CHN2: variants seen among roughly 807,000 people sequenced by gnomAD.
CHN2 encodes chimerin 2.
Under a neutral mutation model 56.3 loss-of-function variants are expected in CHN2, and 35 were observed. The ratio of observed to expected loss-of-function variants is 0.62; its 90% CI spans 0.47 to 0.82. The LOEUF (loss-of-function observed/expected upper bound fraction) is 0.82, where lower values mean the gene tolerates loss of function less well. Among genes scored for constraint, CHN2 ranks in the 40% least tolerant of loss-of-function variants. CHN2 has a pLI of 0.00. For missense variants in CHN2, 491 were observed against 580.5 expected, an observed-to-expected ratio of 0.85 and a Z score of 1.58; for synonymous variants, 210 against 212.8, an observed-to-expected ratio of 0.99 and a Z score of 0.12.
At chr7:29,238,498 A>G (rs976178696) in intron 1 of CHN2, among the ~76,000 whole-genome samples, 2 of 152,202 alleles carry the variant, frequency 1.3e-5, no homozygotes, top group Non-Finnish European at 2.9e-5. Flanking sequence ...TATATTGATC[A>G]TGAGCTATGT....
chr7:29,474,558 A>AT (rs1305204495), intron 6 of CHN2, among the ~76,000 whole-genome samples: 1 of 152,146 alleles, frequency 6.6e-6, no homozygotes, highest in African/African-American at 2.4e-5. Context: ...CGTAATATTG[A>AT]TTTTCATTTC....
At chr7:29,243,695 T>C (rs1787859969) in intron 1 of CHN2, among the ~76,000 whole-genome samples, 1 of 152,170 alleles carries the variant, frequency 6.6e-6, no homozygotes, top group Non-Finnish European at 1.5e-5. Context: ...GTGGGACAAA[T>C]TAGAAGAGAC....
chr7:29,268,297 C>CAT (rs1034986395), intron 1 of CHN2, among the ~76,000 whole-genome samples: 7 of 148,444 alleles, frequency 4.7e-5, no homozygotes, highest in Admixed American at 1.3e-4. Context: ...CACACACACA[C>CAT]ACACACACAC....
At position 29,342,122 on chromosome 7, in the gene CHN2, C is replaced by T. The variant is rs372172631; in HGVS notation, c.50-12503C>T. Among the ~76,000 whole-genome samples the T allele has an allele frequency of 1.9e-4, 29 of 152,248 alleles. No individual in the cohort carries two copies. The South Asian group carries it at 6.0e-3, about 32-fold the overall frequency. ...AAGCAGTGACTGGATCTGCGTTGGT[C>T]GCAGCTATATCTTTATCCTGTGGTA... On this transcript the variant is annotated intron_variant, in intron 1 of 12. Coordinates refer to ENST00000222792, the MANE Select transcript of CHN2 (RefSeq NM_004067.4).
chr7:29,193,552 TCA>T (rs1300788884), upstream of CHN2: 2 of 152,238 alleles, frequency 1.3e-5, no homozygotes, highest in South Asian at 2.1e-4. Flanking sequence ...TCTTCAAATT[TCA>T]CAGTTTTCTG....
intron 1 of CHN2, among the ~76,000 whole-genome samples, chr7:29,226,242 G>C (rs998503764): frequency 3.9e-5 from 6 of 152,104 alleles, no homozygotes; most frequent in Non-Finnish European, 5.9e-5. Context: ...CTATTATTAT[G>C]AGCGGGGAAA....
At chr7:29,205,269 A>T (rs992924512) in intron 1 of CHN2, among the ~76,000 whole-genome samples, 1 of 152,154 alleles carries the variant, frequency 6.6e-6, no homozygotes, top group East Asian at 1.9e-4. Context: ...TCTGAAACTT[A>T]TTTTTAGCAT....
chr7:29,262,851 G>A (rs1292725433), intron 1 of CHN2, among the ~76,000 whole-genome samples: 2 of 152,120 alleles, frequency 1.3e-5, no homozygotes, highest in Non-Finnish European at 2.9e-5. Flanking sequence ...AGGTGATGAT[G>A]GGTTGACAGG....
chr7:29,460,661 G>A (rs1034161601), intron 6 of CHN2, among the ~76,000 whole-genome samples: 1 of 152,244 alleles, frequency 6.6e-6, no homozygotes, highest in Non-Finnish European at 1.5e-5. Context: ...TTTCATTAGA[G>A]CATCAGTAAT....
intron 1 of CHN2, among the ~76,000 whole-genome samples, chr7:29,195,629 A>AGG (rs869037854): frequency 1.8e-4 from 21 of 117,582 alleles, no homozygotes; most frequent in African/African-American, 7.2e-4. Context: ...AGAGAGAGAG[A>AGG]GTGTGTGTGT....
At position 29,224,453 on chromosome 7, in the gene CHN2, C is replaced by T. The variant is rs191931400; in HGVS notation, c.49+29463C>T. ...TTTTTTCTATGTGTGTTGAATGCTC[C>T]GAGCTTATTTCTAAATCCTGCTTGG... is the stretch of plus-strand genomic sequence containing the variant. On this transcript the variant is annotated intron_variant, in intron 1 of 12. Transcript: ENST00000222792. Among the ~76,000 whole-genome samples the T allele has an allele frequency of 3.4e-3, 512 of 152,172 alleles. 1 individual carries two copies. Among genetic ancestry groups the T allele is most frequent in the African/African-American group, 0.012 (491 of 41,536 alleles).
At chr7:29,459,874 A>G (rs916364367) in intron 6 of CHN2, among the ~76,000 whole-genome samples, 12 of 152,168 alleles carry the variant, frequency 7.9e-5, no homozygotes, top group African/African-American at 2.9e-4. Flanking sequence ...CAACCACAAG[A>G]AGAGGCAGAG....
intron 1 of CHN2, among the ~76,000 whole-genome samples, chr7:29,329,101 TTTTCAATTCCAAGTAAGTCAAAA>T (rs1168181668): frequency 6.6e-6 from 1 of 152,016 alleles, no homozygotes; most frequent in Non-Finnish European, 1.5e-5. Context: ...AAATGTTGCT[TTTTCAATTCCAAGTAAGTCAAAA>T]TGAATGGGAC....
intron 12 of CHN2, among the ~76,000 whole-genome samples, chr7:29,511,131 A>AGTAT (rs1791304504): frequency 2.0e-5 from 1 of 49,428 alleles, no homozygotes; most frequent in African/African-American, 7.1e-5. Flanking sequence ...AGATCTACTT[A>AGTAT]GTATGTGAAA....
chr7:29,198,075 T>C, intron 1 of CHN2: 1 of 455,898 alleles, frequency 2.2e-6, no homozygotes, highest in Non-Finnish European at 4.4e-6. Flanking sequence ...GCCAGCTCAC[T>C]CATTGCTGCT....
intron 1 of CHN2, among the ~76,000 whole-genome samples, chr7:29,326,899 A>G (rs755375433): frequency 1.3e-5 from 2 of 152,196 alleles, no homozygotes; most frequent in African/African-American, 2.4e-5. Context: ...CAGTGCTTTA[A>G]TGGGTTACCT....
chr7:29,405,164 TACACACACACACACACACACACACACAC>T (rs57823678), intron 6 of CHN2, among the ~76,000 whole-genome samples: 7 of 105,128 alleles, frequency 6.7e-5, no homozygotes, highest in South Asian at 3.4e-4. Context: ...TATGTCACCA[TACACACACACACACACACACACACACAC>T]ACACACACAC....
intron 6 of CHN2, among the ~76,000 whole-genome samples, chr7:29,418,659 C>A (rs926421814): frequency 2.0e-5 from 3 of 152,184 alleles, no homozygotes; most frequent in African/African-American, 4.8e-5. Flanking sequence ...CTGCTACTTC[C>A]CTCAGTTTCC....
intron 1 of CHN2, among the ~76,000 whole-genome samples, chr7:29,213,832 T>C (rs1381371086): frequency 6.6e-6 from 1 of 152,208 alleles, no homozygotes; most frequent in Non-Finnish European, 1.5e-5. Flanking sequence ...TTCCTTTAGT[T>C]GATTTTACCC....
Sources: allele counts gnomAD v4.1 joint callset (sites outside exome capture counted in the v4.1 genomes callset), GRCh38; gene constraint gnomAD v4.1.1; transcripts MANE v1.5; gene names NCBI Gene and HGNC (gene_info 2026-07-23, HGNC 2026-07-21).